WDR88: variants seen among roughly 807,000 people sequenced by gnomAD.
The protein encoded by WDR88 is WD repeat domain 88, also known as WD repeat-containing protein 88.
A neutral mutation model predicts 46.8 loss-of-function variants in WDR88; 40 were observed. That is an observed-to-expected ratio of 0.86 (90% CI 0.66 to 1.11). The LOEUF (loss-of-function observed/expected upper bound fraction) is 1.11. WDR88 is among the 50% of genes most tolerant of loss of function. The pLI, the probability that WDR88 is intolerant of heterozygous loss-of-function variation, is 0.00. For missense variants in WDR88, 562 were observed against 602.4 expected (o/e 0.93, Z 0.70); for synonymous variants, 235 against 240.7 (o/e 0.98, Z 0.22).
intron 6 of WDR88, among the ~76,000 whole-genome samples, chr19:33,153,487 G>T (rs1018277504): frequency 6.6e-6 from 1 of 152,054 alleles, no homozygotes; most frequent in Non-Finnish European, 1.5e-5. Context: ...AACTGAAAAT[G>T]ATATAGCCCG....
At chr19:33,172,550 A>AGTTT in intron 10 of WDR88, 110 bp downstream of exon 10, 2 of 881,562 alleles carry the variant, frequency 2.3e-6, no homozygotes, top group Non-Finnish European at 3.5e-6. Flanking sequence ...TCGTGAACAA[A>AGTTT]CAGACTGACA....
At chr19:33,141,527 C>A (rs1187685800) in intron 2 of WDR88, among the ~76,000 whole-genome samples, 1 of 151,968 alleles carries the variant, frequency 6.6e-6, no homozygotes, top group Non-Finnish European at 1.5e-5. Flanking sequence ...CAAAACCCAG[C>A]CCCAAACTTA....
In WDR88 at chr19:33,175,407, T is replaced by A; in HGVS notation, c.1254T>A (p.Cys418Ter). ...VGLKLKQCER[C>*]DRPFSIFKSD... ...ATATCCCATGTCAGTGCGAAAGATGTGACAGGCCTTTCTCCATCTTCAAGA... is the reference window on the plus strand; with the variant it reads ...ATATCCCATGTCAGTGCGAAAGATGAGACAGGCCTTTCTCCATCTTCAAGA... Residue 418 changes from cysteine (C) to a stop codon, truncating the protein, a stop_gained, in exon 11 of 11, where the codon TGT becomes TGA. Coordinates refer to ENST00000355868, the MANE Select transcript of WDR88 (RefSeq NM_173479.4). LOFTEE classifies it low-confidence loss of function (END_TRUNC). The A allele has an allele frequency of 2.5e-6, 4 of 1,614,164 alleles. No homozygotes were observed. Among genetic ancestry groups the A allele is most frequent in the South Asian group, 2.2e-5 (2 of 91,082 alleles).
chr19:33,144,041 T>G (rs1055932331), intron 2 of WDR88, among the ~76,000 whole-genome samples: 4 of 152,042 alleles, frequency 2.6e-5, no homozygotes, highest in Non-Finnish European at 5.9e-5. Flanking sequence ...AGTGGGCCGA[T>G]CTCTGCACAG....
chr19:33,134,056 C>T (rs919931230), intron 1 of WDR88, among the ~76,000 whole-genome samples: 22 of 152,328 alleles, frequency 1.4e-4, no homozygotes, highest in African/African-American at 4.3e-4. Flanking sequence ...TGTGAATGAA[C>T]GCTACGCATA....
At chr19:33,137,550 C>A (rs995277137) in intron 1 of WDR88, 127 bp from the exon 2 acceptor site, 6 of 830,588 alleles carry the variant, frequency 7.2e-6, no homozygotes, top group Non-Finnish European at 9.1e-6. Flanking sequence ...ACCCCCCTGG[C>A]CAGAATTTTT....
rs1355798611 is a variant in WDR88 at position 33,175,023 on chromosome 19, C to T, written c.1243-373C>T. ...GCCAAGGTGGGTGGATCACTTGAGG[C>T]CAGGAGTTCAAGACCAGCCTGGCCA... On this transcript the variant is annotated intron_variant, in intron 10 of 10. Coordinates refer to ENST00000355868, the MANE Select transcript of WDR88 (RefSeq NM_173479.4). 5.1e-6 allele frequency: 5 copies of T among 983,654 alleles called. No homozygotes were observed. In the East Asian group the frequency reaches 5.7e-4, roughly 112 times the overall value. The allele number at this position is 983,654 out of a possible 1,614,324, so 60.9% of individuals were successfully genotyped here.
chr19:33,143,228 G>A (rs1023083697), intron 2 of WDR88, among the ~76,000 whole-genome samples: 6 of 151,316 alleles, frequency 4.0e-5, no homozygotes, highest in South Asian at 2.1e-4. Flanking sequence ...CCAGCTACTC[G>A]GGAAGTTGAG....
intron 10 of WDR88, 89 bp from the exon 11 acceptor site, chr19:33,175,307 C>A: frequency 7.3e-7 from 1 of 1,376,630 alleles, no homozygotes; most frequent in Non-Finnish European, 1.0e-6. Flanking sequence ...CTTGCCCCAG[C>A]TCAAGGTAGC....
chr19:33,173,048 C>T (rs868344064), intron 10 of WDR88, among the ~76,000 whole-genome samples: 5 of 126,650 alleles, frequency 3.9e-5, no homozygotes, highest in Non-Finnish European at 6.3e-5. Context: ...GTTGAGATTG[C>T]GCCACTGCAC....
At chr19:33,134,660 C>T (rs1418263198) in intron 1 of WDR88, among the ~76,000 whole-genome samples, 3 of 152,070 alleles carry the variant, frequency 2.0e-5, no homozygotes, top group African/African-American at 7.2e-5. Context: ...GGAGCCAACC[C>T]TGCACGCGCG....
intron 9 of WDR88, among the ~76,000 whole-genome samples, chr19:33,170,303 G>A (rs765256243): frequency 5.3e-5 from 8 of 152,204 alleles, no homozygotes; most frequent in African/African-American, 1.2e-4. Context: ...TTAGCCTCCC[G>A]AGTAGCTGGG....
chr19:33,136,822 C>T (rs1973276529), intron 1 of WDR88, among the ~76,000 whole-genome samples: 1 of 152,164 alleles, frequency 6.6e-6, no homozygotes, highest in Non-Finnish European at 1.5e-5. Context: ...AGTGATCCGC[C>T]TGCTTCAGCC....
rs571285196 is a variant in WDR88 at position 33,151,316 on chromosome 19, T to A, written c.809+6T>A. Reference sequence around the variant, plus strand: ...ACGCTGCTCACCATCACTAAGTGAGTTGGACCCCAGGAGGCCAGAAGGGAG... The same window carrying A: ...ACGCTGCTCACCATCACTAAGTGAGATGGACCCCAGGAGGCCAGAAGGGAG... On this transcript the variant is annotated splice_donor_region_variant and intron_variant, in intron 6 of 10. Transcript: ENST00000355868. The A allele has an allele frequency of 1.2e-6, 2 of 1,611,554 alleles. No homozygotes were observed. The highest frequency in any genetic ancestry group is 4.5e-5 in the East Asian group (2 of 44,832).
intron 9 of WDR88, among the ~76,000 whole-genome samples, chr19:33,166,040 G>A (rs1190744406): frequency 2.6e-5 from 4 of 151,882 alleles, no homozygotes; most frequent in Non-Finnish European, 5.9e-5. Flanking sequence ...TGGGAGGATC[G>A]CTTAAGTCCA....
chr19:33,158,923 C>T (rs1973813289), intron 7 of WDR88, among the ~76,000 whole-genome samples: 1 of 152,158 alleles, frequency 6.6e-6, no homozygotes, highest in Admixed American at 6.6e-5. Flanking sequence ...TGGTCTTGAA[C>T]TCCTGTCCTC....
chr19:33,151,406 C>T (rs985753459), intron 6 of WDR88, 96 bp downstream of exon 6: 12 of 1,456,218 alleles, frequency 8.2e-6, no homozygotes, highest in African/African-American at 1.4e-5. Context: ...CATGTGGACA[C>T]GTCTGTAGCT....
intron 10 of WDR88, among the ~76,000 whole-genome samples, chr19:33,172,910 T>C (rs1974061875): frequency 1.3e-5 from 2 of 151,452 alleles, no homozygotes; most frequent in African/African-American, 2.4e-5. Flanking sequence ...GCCAACATGG[T>C]TAAGTCCTGT....
At chr19:33,167,665 T>A (rs1973974342) in intron 9 of WDR88, among the ~76,000 whole-genome samples, 2 of 150,982 alleles carry the variant, frequency 1.3e-5, no homozygotes, top group African/African-American at 4.9e-5. Context: ...CCTTCCTTCC[T>A]TCCTTCTCTT....
Sources: allele counts gnomAD v4.1 joint callset (sites outside exome capture counted in the v4.1 genomes callset), GRCh38; gene constraint gnomAD v4.1.1; transcripts MANE v1.5; gene names NCBI Gene and HGNC (gene_info 2026-07-23, HGNC 2026-07-21).